Variants in MALSU1 observed in about 807,000 individuals in gnomAD.
MALSU1 encodes the protein mitochondrial assembly of ribosomal large subunit 1.
A neutral mutation model predicts 22.1 loss-of-function variants in MALSU1; 22 were observed. The ratio of observed to expected loss-of-function variants is 1.00; its 90% confidence interval spans 0.71 to 1.42. MALSU1 has a LOEUF of 1.42. Ranked by LOEUF, MALSU1 falls within the 40% of genes most tolerant of loss-of-function variation. MALSU1 has a pLI of 0.00. For synonymous variants in MALSU1, 153 were observed against 118.5 expected (o/e 1.29, Z -1.89); for missense variants, 379 against 308.3 (o/e 1.23, Z -1.72).
In MALSU1 at chr7:23,299,483, T is replaced by C. The variant is rs761524284; in HGVS notation, c.131T>C (p.Val44Ala). ...LRLLAVQRLP[V>A]GAAFCRACQT... ...CTGCTGGCCGTGCAGCGGCTTCCCGTAGGAGCAGCGTTCTGCCGGGCTTGC... is the reference window on the plus strand; with the variant it reads ...CTGCTGGCCGTGCAGCGGCTTCCCGCAGGAGCAGCGTTCTGCCGGGCTTGC... The change falls in exon 1 of 4, where the codon GTA (valine) becomes GCA (alanine). Residue 44 changes from valine to alanine, a missense_variant. By Grantham distance (64) the Val-to-Ala change is moderately conservative (BLOSUM62 0). Transcript: ENST00000466681. 6.2e-7 allele frequency: 1 copy of C among 1,610,916 alleles called. No homozygotes were observed. Among genetic ancestry groups the C allele is most frequent in the Non-Finnish European group, 8.5e-7 (1 of 1,179,722 alleles).
chr7:23,309,909 AATAAT>A lies in MALSU1; in HGVS notation c.*371_*375del, dbSNP rs1783785092. The A allele has an allele frequency of 6.5e-6, 1 of 154,632 alleles. No individual in the cohort carries two copies. The highest frequency in any genetic ancestry group is 1.4e-5 in the Non-Finnish European group (1 of 69,774). 9.6% of individuals were successfully genotyped at this position (154,632 alleles called of 1,614,324 possible). On this transcript the variant is annotated 3_prime_UTR_variant, in exon 4 of 4. Transcript: ENST00000466681. Reference sequence around the variant, plus strand: ...TAATGGAATGGCAAAAATTTTAAAAAATAATATAAAACATAGCCCACTGGTCTTAT... The same window carrying A: ...TAATGGAATGGCAAAAATTTTAAAAAATAAAACATAGCCCACTGGTCTTAT...
intron 2 of MALSU1, among the ~76,000 whole-genome samples, chr7:23,302,120 G>C (rs1380551404): frequency 3.9e-5 from 6 of 152,194 alleles, no homozygotes; most frequent in Non-Finnish European, 8.8e-5. Context: ...TGCTGGCCTG[G>C]AGTTTCATTC....
At position 23,307,737 on chromosome 7, in the gene MALSU1, A is replaced by C. The variant is rs956579249; in HGVS notation, c.436-131A>C. ...TTCCCTAAGTTATTCATCACAGGGC[A>C]AAGTATAGCAATGAGAAATGAGTAA... On this transcript the variant is annotated intron_variant, in intron 2 of 3. Coordinates refer to ENST00000466681, the MANE Select transcript of MALSU1 (RefSeq NM_138446.2). The C allele has an allele frequency of 4.8e-6, 3 of 627,170 alleles. No homozygotes were observed. The Admixed American group carries it at 8.9e-5, about 19-fold the overall frequency. 38.9% of individuals were successfully genotyped at this position (627,170 alleles called of 1,614,324 possible).
chr7:23,300,050 A>C (rs1452699167), intron 1 of MALSU1, among the ~76,000 whole-genome samples: 1 of 152,096 alleles, frequency 6.6e-6, no homozygotes, highest in African/African-American at 2.4e-5. Context: ...GAAACTTAAG[A>C]ATGGTAAACA....
intron 2 of MALSU1, among the ~76,000 whole-genome samples, chr7:23,302,784 CT>C (rs895557544): frequency 4.0e-5 from 6 of 151,878 alleles, no homozygotes; most frequent in African/African-American, 9.7e-5. Flanking sequence ...ACCGTTTAAT[CT>C]TTTTTTTGGA....
chr7:23,304,617 A>C (rs1354730907), intron 2 of MALSU1, among the ~76,000 whole-genome samples: 1 of 152,188 alleles, frequency 6.6e-6, no homozygotes, highest in Non-Finnish European at 1.5e-5. Context: ...CTCTCACCTC[A>C]GCCTCCCAAG....
At position 23,310,486 on chromosome 7, in the gene MALSU1, A is replaced by G. The variant is rs1285277269; in HGVS notation, c.*943A>G. 6.6e-6 allele frequency: 1 copy of G among 152,216 alleles called. No homozygotes were observed. The highest frequency in any genetic ancestry group is 2.4e-5 in the African/African-American group (1 of 41,456). 9.4% of individuals were successfully genotyped at this position (152,216 alleles called of 1,614,324 possible). The stretch of plus-strand genomic sequence containing the variant: ...TATGTGTATATTTTTAAAAAATCAA[A>G]TATTGGGGAAAAAAATCAAATACTG... On this transcript the variant is annotated 3_prime_UTR_variant, in exon 4 of 4. Transcript: ENST00000466681.
In MALSU1 at chr7:23,309,579, G is replaced by A. The variant is rs771319147; in HGVS notation, c.*36G>A. On this transcript the variant is annotated 3_prime_UTR_variant, in exon 4 of 4. Coordinates refer to ENST00000466681, the MANE Select transcript of MALSU1 (RefSeq NM_138446.2). ...GCACTGCGTTAGTCATTTCAGATTTGGATTGAGTCACTTATTGGAAAATAC... is the reference window on the plus strand; with the variant it reads ...GCACTGCGTTAGTCATTTCAGATTTAGATTGAGTCACTTATTGGAAAATAC... The A allele has an allele frequency of 6.0e-6, 9 of 1,507,816 alleles. No individual in the cohort carries two copies. Among genetic ancestry groups the A allele is most frequent in the Middle Eastern group, 1.7e-4 (1 of 5,744 alleles). 93.4% of individuals were successfully genotyped at this position (1,507,816 alleles called of 1,614,324 possible).
rs149959315 is a variant in MALSU1 at position 23,305,242 on chromosome 7, A to G, written c.436-2626A>G. Among the ~76,000 whole-genome samples, 46 of 152,250 alleles carry G rather than the reference A, an allele frequency of 3.0e-4. 3 individuals carry two copies. The East Asian group carries it at 8.9e-3, about 29-fold the overall frequency. The stretch of plus-strand genomic sequence containing the variant: ...ATTTCTGGGCTCTGTATTCTGTTTC[A>G]TCAGTCTGTGCGTCTGTCTTTTTGC... On this transcript the variant is annotated intron_variant, in intron 2 of 3. Transcript: ENST00000466681.
intron 2 of MALSU1, among the ~76,000 whole-genome samples, chr7:23,303,314 GCA>G (rs1783672981): frequency 6.6e-6 from 1 of 152,156 alleles, no homozygotes; most frequent in Non-Finnish European, 1.5e-5. Context: ...ATCTGACTTA[GCA>G]TAATGTCTTC....
Position 23,311,359 on chromosome 7 carries a change from T to C in MALSU1, c.*1816T>C, listed in dbSNP as rs549998549. On this transcript the variant is annotated 3_prime_UTR_variant, in exon 4 of 4. Transcript: ENST00000466681. ...TTCACTGATGCACTTTCTTTAGGTA[T>C]TGATAGTCAGAAGCACAAAGCATTT... 4.6e-5 allele frequency: 7 copies of C among 152,740 alleles called. No individual in the cohort carries two copies. In the East Asian group the frequency reaches 1.2e-3, roughly 25 times the overall value. The allele number at this position is 152,740 out of a possible 1,614,324, so 9.5% of individuals were successfully genotyped here. A position where few individuals can be genotyped will look rare whatever the true frequency, so the allele number is the denominator to read the frequency against.
In MALSU1 at chr7:23,311,018, T is replaced by C. The variant is rs968203856; in HGVS notation, c.*1475T>C. ...TCATTCAAATTATATCCCAAAAACT[T>C]TTCTTGTATTCTCTATCTTTTGACT... is the stretch of plus-strand genomic sequence containing the variant. On this transcript the variant is annotated 3_prime_UTR_variant, in exon 4 of 4. Coordinates refer to ENST00000466681, the MANE Select transcript of MALSU1 (RefSeq NM_138446.2). The C allele has an allele frequency of 1.3e-5, 2 of 152,156 alleles. No individual in the cohort carries two copies. The highest frequency in any genetic ancestry group is 4.8e-5 in the African/African-American group (2 of 41,442). 9.4% of individuals were successfully genotyped at this position (152,156 alleles called of 1,614,324 possible). A position where few individuals can be genotyped will look rare whatever the true frequency, so the allele number is the denominator to read the frequency against.
chr7:23,302,826 G>A (rs1351583000), intron 2 of MALSU1, among the ~76,000 whole-genome samples: 1 of 152,176 alleles, frequency 6.6e-6, no homozygotes, highest in Admixed American at 6.5e-5. Flanking sequence ...GCCCAGGCTG[G>A]AGTGCAGTGG....
In MALSU1 at chr7:23,309,857, T is replaced by A. The variant is rs1783783872; in HGVS notation, c.*314T>A. 1 of 170,280 alleles carries A rather than the reference T, an allele frequency of 5.9e-6. No homozygotes were observed. The highest frequency in any genetic ancestry group is 1.2e-5 in the Non-Finnish European group (1 of 80,346). 10.5% of individuals were successfully genotyped at this position (170,280 alleles called of 1,614,324 possible). On this transcript the variant is annotated 3_prime_UTR_variant, in exon 4 of 4. Coordinates refer to ENST00000466681, the MANE Select transcript of MALSU1 (RefSeq NM_138446.2). ...AGATTTTTATTAATTTAATTTAGCTTAAATGTAAATCTTAACCCTGTTTGT... is the reference window on the plus strand; with the variant it reads ...AGATTTTTATTAATTTAATTTAGCTAAAATGTAAATCTTAACCCTGTTTGT...
At chr7:23,305,422 C>T (rs1406191561) in intron 2 of MALSU1, among the ~76,000 whole-genome samples, 12 of 142,654 alleles carry the variant, frequency 8.4e-5, no homozygotes, top group South Asian at 2.2e-4. Context: ...GATGGAGTTT[C>T]GCTTTTGTTG....
chr7:23,301,181 A>C (rs972099957), intron 2 of MALSU1, 164 bp downstream of exon 2: 3 of 601,432 alleles, frequency 5.0e-6, no homozygotes, highest in Non-Finnish European at 8.8e-6. Flanking sequence ...TTTGATAGTG[A>C]AACATATGGG....
chr7:23,310,674 G>C lies in MALSU1; in HGVS notation c.*1131G>C, dbSNP rs994487161. ...TTGGTTAAAACTACAAAAGAAACTT[G>C]TTTTCAGAGAACATTAAGGAAAACA... On this transcript the variant is annotated 3_prime_UTR_variant, in exon 4 of 4. Coordinates refer to ENST00000466681, the MANE Select transcript of MALSU1 (RefSeq NM_138446.2). The C allele has an allele frequency of 6.6e-6, 1 of 152,092 alleles. No homozygotes were observed. The highest frequency in any genetic ancestry group is 1.5e-5 in the Non-Finnish European group (1 of 68,012). The allele number at this position is 152,092 out of a possible 1,614,324, so 9.4% of individuals were successfully genotyped here. A position where few individuals can be genotyped will look rare whatever the true frequency, so the allele number is the denominator to read the frequency against.
intron 2 of MALSU1, among the ~76,000 whole-genome samples, chr7:23,304,106 C>CA (rs112453307): frequency 2.0e-3 from 273 of 133,684 alleles, no homozygotes; most frequent in South Asian, 3.8e-3. Flanking sequence ...AACTCAGTCT[C>CA]AAAAAAAAAA....
At chr7:23,302,701 G>C (rs1460611768) in intron 2 of MALSU1, among the ~76,000 whole-genome samples, 2 of 152,198 alleles carry the variant, frequency 1.3e-5, no homozygotes, top group Non-Finnish European at 2.9e-5. Flanking sequence ...CCTTTACAAA[G>C]ATTTTAGATG....
Sources: allele counts gnomAD v4.1 joint callset (sites outside exome capture counted in the v4.1 genomes callset), GRCh38; gene constraint gnomAD v4.1.1; transcripts MANE v1.5; gene names NCBI Gene and HGNC (gene_info 2026-07-23, HGNC 2026-07-21).